RC3H1: variants seen among roughly 807,000 people sequenced by gnomAD.
The protein encoded by RC3H1 is ring finger and CCCH-type domains 1.
Under a neutral mutation model 138.2 loss-of-function variants are expected in RC3H1, and 50 were observed. The observed-to-expected ratio is 0.36, with a 90% CI of 0.29 to 0.46. The LOEUF (loss-of-function observed/expected upper bound fraction) is 0.46. RC3H1 is among the 20% of genes least tolerant of loss of function. The probability of loss-of-function intolerance (pLI) is 1.00; values close to 1 mark genes in which losing one functional copy is unlikely to be tolerated. For missense variants in RC3H1, 1,031 were observed against 1,388.1 expected, an observed-to-expected ratio of 0.74 and a Z score of 4.09; for synonymous variants, 462 against 489.1, an observed-to-expected ratio of 0.94 and a Z score of 0.73.
At chr1:173,972,414 G>T in intron 8 of RC3H1, 95 bp downstream of exon 8, 1 of 731,336 alleles carries the variant, frequency 1.4e-6, no homozygotes, top group Non-Finnish European at 2.4e-6. Context: ...TTATCTTTTT[G>T]GCTTTGTATC....
Position 173,993,043 on chromosome 1 carries a change from T to C in RC3H1, c.-58A>G. On this transcript the variant is annotated 5_prime_UTR_variant, in exon 2 of 20. Coordinates refer to ENST00000367696, the MANE Select transcript of RC3H1 (RefSeq NM_172071.4). ...ACACACACAAATCTAAAGCAAAGAT[T>C]CCACTGGAATCAAAATCTTTGAAAA... 8.0e-7 allele frequency: 1 copy of C among 1,250,180 alleles called. No individual in the cohort carries two copies. The highest frequency in any genetic ancestry group is 1.2e-6 in the Non-Finnish European group (1 of 867,300). The allele number at this position is 1,250,180 out of a possible 1,614,324, so 77.4% of individuals were successfully genotyped here.
At chr1:173,962,541 A>C (rs149400989) in intron 11 of RC3H1, among the ~76,000 whole-genome samples, 132 of 152,336 alleles carry the variant, frequency 8.7e-4, no homozygotes, top group African/African-American at 2.8e-3. Flanking sequence ...TTGGCTCTAC[A>C]GTTCTTGAGA....
intron 13 of RC3H1, among the ~76,000 whole-genome samples, chr1:173,960,757 G>A (rs542231896): frequency 6.6e-5 from 10 of 152,246 alleles, no homozygotes; most frequent in African/African-American, 1.4e-4. Context: ...ATAGACTGAC[G>A]GAAAAGAATA....
In RC3H1 at chr1:173,938,634, G is replaced by A; in HGVS notation, c.*87C>T. Reference sequence around the variant, plus strand: ...TGGATTTCTCTGACCGCTCTTAAGAGAAAAAGTTTAGAAGTTATGCGTTCT... The same window carrying A: ...TGGATTTCTCTGACCGCTCTTAAGAAAAAAAGTTTAGAAGTTATGCGTTCT... On this transcript the variant is annotated 3_prime_UTR_variant, in exon 20 of 20. Transcript: ENST00000367696. 1.9e-6 allele frequency: 2 copies of A among 1,032,688 alleles called. No homozygotes were observed. Among genetic ancestry groups the A allele is most frequent in the Middle Eastern group, 2.2e-4 (1 of 4,448 alleles). 64.0% of individuals were successfully genotyped at this position (1,032,688 alleles called of 1,614,324 possible).
At chr1:173,972,660 A>G in intron 7 of RC3H1, 33 bp from the exon 8 acceptor site, 2 of 1,427,764 alleles carry the variant, frequency 1.4e-6, no homozygotes, top group Non-Finnish European at 2.0e-6. Flanking sequence ...TTAAACTCTA[A>G]TGTTACTCAA....
chr1:173,946,641 T>C, intron 16 of RC3H1, 33 bp from the exon 17 acceptor site: 7 of 1,610,744 alleles, frequency 4.3e-6, no homozygotes, highest in Non-Finnish European at 5.9e-6. Context: ...AATCAAATTT[T>C]AACATTTCAT....
chr1:174,006,941 A>T (rs1351787998), intron 1 of RC3H1, among the ~76,000 whole-genome samples: 4 of 152,198 alleles, frequency 2.6e-5, no homozygotes, highest in Non-Finnish European at 5.9e-5. Flanking sequence ...GAATTATCAC[A>T]AAGTGAGCAT....
At chr1:173,945,670 C>T (rs571622231) in intron 17 of RC3H1, among the ~76,000 whole-genome samples, 4 of 151,904 alleles carry the variant, frequency 2.6e-5, no homozygotes, top group Non-Finnish European at 4.4e-5. Context: ...TGTTATTATT[C>T]TTATTACACC....
intron 9 of RC3H1, chr1:173,969,527 T>C (rs1321116602): frequency 1.3e-5 from 2 of 151,734 alleles, no homozygotes. Flanking sequence ...GTTTTAATTG[T>C]GTTATCTTTG....
intron 17 of RC3H1, among the ~76,000 whole-genome samples, chr1:173,946,209 A>C (rs546266561): frequency 3.9e-4 from 60 of 152,132 alleles, no homozygotes; most frequent in South Asian, 6.2e-4. Context: ...AACAAACAAA[A>C]AAAACCTTAA....
chr1:173,982,483 T>A (rs1032386993), intron 5 of RC3H1, among the ~76,000 whole-genome samples: 12 of 152,192 alleles, frequency 7.9e-5, no homozygotes, highest in African/African-American at 2.9e-4. Flanking sequence ...CTTAGTCTCT[T>A]CAAATACAAA....
At chr1:174,003,202 C>T (rs573984471) in intron 1 of RC3H1, among the ~76,000 whole-genome samples, 3 of 152,148 alleles carry the variant, frequency 2.0e-5, no homozygotes, top group East Asian at 3.9e-4. Context: ...GCCTGGCCAA[C>T]GTGGTGAAAC....
Position 173,936,749 on chromosome 1 carries a change from ATATATATATATAT to A in RC3H1, c.*1959_*1971del, listed in dbSNP as rs1434642948. The stretch of plus-strand genomic sequence containing the variant: ...AGCATACATATATATATATATATAT[ATATATATATATAT>A]TTTTTTTTTTTTTTTTAAAAAAAGA... On this transcript the variant is annotated 3_prime_UTR_variant, in exon 20 of 20. Coordinates refer to ENST00000367696, the MANE Select transcript of RC3H1 (RefSeq NM_172071.4). The A allele has an allele frequency of 0.018, 999 of 55,734 alleles. 32 individuals carry two copies. The highest frequency in any genetic ancestry group is 0.12 in the African/African-American group (966 of 8,182). 3.5% of individuals were successfully genotyped at this position (55,734 alleles called of 1,614,324 possible).
intron 1 of RC3H1, among the ~76,000 whole-genome samples, chr1:174,015,658 C>A (rs1244494573): frequency 7.0e-6 from 1 of 143,586 alleles, no homozygotes; most frequent in Non-Finnish European, 1.5e-5. Context: ...AGCCACTGCA[C>A]CTGGCCTCAT....
intron 17 of RC3H1, among the ~76,000 whole-genome samples, chr1:173,945,015 T>A (rs1659073088): frequency 6.6e-6 from 1 of 152,182 alleles, no homozygotes; most frequent in Non-Finnish European, 1.5e-5. Flanking sequence ...ATATTTATCA[T>A]TAGAATGTCT....
At chr1:174,019,942 A>T (rs1459183574) in intron 1 of RC3H1, among the ~76,000 whole-genome samples, 1 of 152,206 alleles carries the variant, frequency 6.6e-6, no homozygotes, top group African/African-American at 2.4e-5. Flanking sequence ...AAATGATATT[A>T]AATATGAGGT....
intron 14 of RC3H1, 138 bp from the exon 15 acceptor site, chr1:173,947,720 G>T: frequency 1.5e-6 from 1 of 669,180 alleles, no homozygotes; most frequent in Non-Finnish European, 2.6e-6. Context: ...ACCTTTGGTT[G>T]TTTTTATGTA....
chr1:173,986,395 A>T (rs139013597), intron 2 of RC3H1, among the ~76,000 whole-genome samples: 1 of 152,306 alleles, frequency 6.6e-6, no homozygotes, highest in Non-Finnish European at 1.5e-5. Context: ...TCTGTCACTC[A>T]GGCTGGAGTG....
chr1:174,008,217 T>A (rs1312024664), intron 1 of RC3H1, among the ~76,000 whole-genome samples: 2 of 152,240 alleles, frequency 1.3e-5, no homozygotes, highest in African/African-American at 2.4e-5. Context: ...AAACCTAGTA[T>A]ATTTAATAAT....
Sources: gnomAD v4.1 joint callset for allele counts (sites outside exome capture counted in the v4.1 genomes callset) on GRCh38, gnomAD v4.1.1 for gene constraint, MANE v1.5 for transcripts, NCBI Gene and HGNC (gene_info 2026-07-23, HGNC 2026-07-21) for gene names.